CSPP1: variants seen among roughly 807,000 people sequenced by gnomAD.
CSPP1 encodes the protein centrosome and spindle pole-associated protein 1.
In CSPP1, 126 loss-of-function variants were observed where a neutral mutation model predicts 164.4. That is an observed-to-expected ratio of 0.77 (90% CI 0.66 to 0.89). The LOEUF is 0.89. Ranked by LOEUF, CSPP1 falls within the 40% of genes least tolerant of loss-of-function variation. The pLI is 0.00. For missense variants in CSPP1, 1,395 were observed against 1,449.8 expected (o/e 0.96, Z 0.61); for synonymous variants, 472 against 476.7 (o/e 0.99, Z 0.13).
intron 17 of CSPP1, among the ~76,000 whole-genome samples, chr8:67,142,142 T>C (rs927515912): frequency 4.8e-4 from 73 of 152,342 alleles, no homozygotes; most frequent in Non-Finnish European, 1.0e-3. Flanking sequence ...TAATTATTTG[T>C]ACAGTATTTT....
Position 67,149,804 on chromosome 8 carries a change from G to T in CSPP1, c.1997G>T (p.Arg666Ile). 6.3e-7 allele frequency: 1 copy of T among 1,592,000 alleles called. No individual in the cohort carries two copies. Among genetic ancestry groups the T allele is most frequent in the South Asian group, 1.2e-5 (1 of 85,790 alleles). Reference protein sequence around the residue: ...NLITDLNRMHRQNIDAYHNPD... With the variant: ...NLITDLNRMHIQNIDAYHNPD... Reference sequence around the variant, plus strand: ...TCAGCTGATTTGAATAGGATGCACAGACAAAATATAGATGCCTACCATAAC... The same window carrying T: ...TCAGCTGATTTGAATAGGATGCACATACAAAATATAGATGCCTACCATAAC... Residue 666 changes from arginine to isoleucine, a missense_variant, in exon 18 of 31, where the codon AGA becomes ATA. Arg to Ile is a moderately conservative substitution (Grantham distance 97). Transcript: ENST00000678616.
chr8:67,175,385 A>G lies in CSPP1; in HGVS notation c.3058A>G (p.Arg1020Gly), dbSNP rs1480181178. 2 of 1,614,094 alleles carry G rather than the reference A, an allele frequency of 1.2e-6. No homozygotes were observed. Among genetic ancestry groups the G allele is most frequent in the African/African-American group, 2.7e-5 (2 of 74,950 alleles). ...AGAGATTCAGCAGCAAGCCCTGCTA[A>G]GAGAGCAGCAGAAGAGGCTGAACAG... Reference protein sequence around the residue: ...TLEIQQQALLREQQKRLNRIK... With the variant: ...TLEIQQQALLGEQQKRLNRIK... Residue 1020 changes from arginine (R) to glycine (G), a missense_variant, in exon 26 of 31, where the codon AGA becomes GGA. Arg to Gly is a moderately radical substitution (Grantham distance 125, BLOSUM62 -2). Transcript: ENST00000678616.
intron 24 of CSPP1, among the ~76,000 whole-genome samples, chr8:67,167,501 G>A (rs547195476): frequency 4.1e-4 from 62 of 151,488 alleles, no homozygotes; most frequent in South Asian, 3.1e-3. Flanking sequence ...CTTCCCAGAC[G>A]GGGCAGCTGC....
At chr8:67,091,309 G>A (rs1811562388) in intron 4 of CSPP1, among the ~76,000 whole-genome samples, 1 of 152,042 alleles carries the variant, frequency 6.6e-6, no homozygotes, top group African/African-American at 2.4e-5. Context: ...GAACAAGATT[G>A]GAGGAACACA....
chr8:67,189,465 TG>T (rs1266440071), intron 28 of CSPP1, among the ~76,000 whole-genome samples: 2 of 152,206 alleles, frequency 1.3e-5, no homozygotes, highest in Non-Finnish European at 2.9e-5. Context: ...TGAAAAGGCA[TG>T]GAAGGACCCA....
intron 15 of CSPP1, among the ~76,000 whole-genome samples, chr8:67,130,778 A>G (rs999208651): frequency 1.8e-4 from 28 of 152,060 alleles, no homozygotes; most frequent in African/African-American, 6.8e-4. Flanking sequence ...ACTTGAGGCC[A>G]GGAGTTAGAG....
At chr8:67,102,226 C>T (rs949103838) in intron 7 of CSPP1, among the ~76,000 whole-genome samples, 10 of 151,996 alleles carry the variant, frequency 6.6e-5, no homozygotes, top group Admixed American at 6.5e-4. Flanking sequence ...CTGTGATTTA[C>T]AGTGTTAGCA....
chr8:67,118,824 A>G lies in CSPP1; in HGVS notation c.1697+3A>G. On this transcript the variant is annotated splice_donor_region_variant and intron_variant, in intron 15 of 30. Coordinates refer to ENST00000678616, the MANE Select transcript of CSPP1 (RefSeq NM_001382391.1). Reference sequence around the variant, plus strand: ...CACCAACTAGCACAACCTGTTGTGTAAGTTATTAGTTAAAAGAATAATTTT... The same window carrying G: ...CACCAACTAGCACAACCTGTTGTGTGAGTTATTAGTTAAAAGAATAATTTT... The G allele has an allele frequency of 2.5e-6, 4 of 1,594,740 alleles. No individual in the cohort carries two copies. Among genetic ancestry groups the G allele is most frequent in the Non-Finnish European group, 3.4e-6 (4 of 1,162,778 alleles).
intron 30 of CSPP1, among the ~76,000 whole-genome samples, chr8:67,193,897 T>C (rs185125040): frequency 1.3e-5 from 2 of 152,370 alleles, no homozygotes; most frequent in East Asian, 3.9e-4. Context: ...TGCTATATGA[T>C]AATAGTAATC....
At chr8:67,192,603 C>G (rs1268184348) in intron 29 of CSPP1, among the ~76,000 whole-genome samples, 1 of 152,078 alleles carries the variant, frequency 6.6e-6, no homozygotes, top group East Asian at 1.9e-4. Flanking sequence ...GAAACCATTG[C>G]CAACCACAAG....
chr8:67,121,755 T>G (rs1819022226), intron 15 of CSPP1, among the ~76,000 whole-genome samples: 1 of 152,188 alleles, frequency 6.6e-6, no homozygotes, highest in Non-Finnish European at 1.5e-5. Flanking sequence ...AAATGTTTGA[T>G]AGAATTCACC....
intron 27 of CSPP1, among the ~76,000 whole-genome samples, chr8:67,179,071 G>C (rs1756533857): frequency 6.6e-6 from 1 of 152,140 alleles, no homozygotes; most frequent in Non-Finnish European, 1.5e-5. Context: ...ACAGCTCTTT[G>C]CTGGAGTGTC....
intron 12 of CSPP1, 191 bp downstream of exon 12, chr8:67,114,561 A>T (rs1817542419): frequency 6.6e-6 from 1 of 152,374 alleles, no homozygotes. Context: ...GCTTTTACTT[A>T]TGCTGAGAAT....
At chr8:67,187,998 C>T (rs1440082102) in intron 28 of CSPP1, among the ~76,000 whole-genome samples, 3 of 152,112 alleles carry the variant, frequency 2.0e-5, no homozygotes, top group Admixed American at 1.3e-4. Context: ...AAACCAAAGG[C>T]ACAATTCATA....
intron 18 of CSPP1, among the ~76,000 whole-genome samples, chr8:67,151,888 G>A (rs1420721521): frequency 2.0e-5 from 3 of 151,878 alleles, no homozygotes; most frequent in Admixed American, 6.6e-5. Flanking sequence ...AGGAGATCGA[G>A]ACCATCCTGG....
intron 5 of CSPP1, among the ~76,000 whole-genome samples, chr8:67,092,181 T>C (rs1263189557): frequency 6.6e-6 from 1 of 152,210 alleles, no homozygotes; most frequent in Non-Finnish European, 1.5e-5. Flanking sequence ...TTTCTGACTA[T>C]AAAGTTTATG....
intron 15 of CSPP1, among the ~76,000 whole-genome samples, chr8:67,130,188 G>T (rs1820928731): frequency 6.6e-6 from 1 of 152,162 alleles, no homozygotes; most frequent in Non-Finnish European, 1.5e-5. Context: ...CAATCCCTCA[G>T]ATATACCACG....
chr8:67,110,194 T>C, intron 9 of CSPP1, among the ~76,000 whole-genome samples: 1 of 151,918 alleles, frequency 6.6e-6, no homozygotes, highest in Non-Finnish European at 1.5e-5. Context: ...CAGGTTGTTT[T>C]ATTTTTGCCT....
chr8:67,191,080 C>G (rs1305782192), intron 29 of CSPP1, among the ~76,000 whole-genome samples: 5 of 152,200 alleles, frequency 3.3e-5, no homozygotes, highest in African/African-American at 1.2e-4. Flanking sequence ...TATTGAAAAG[C>G]TTCATAATAA....
Sources: gnomAD v4.1 joint callset for allele counts (sites outside exome capture counted in the v4.1 genomes callset) on GRCh38, gnomAD v4.1.1 for gene constraint, MANE v1.5 for transcripts, NCBI Gene and HGNC (gene_info 2026-07-23, HGNC 2026-07-21) for gene names.